Variants in PAPPA2 observed in about 807,000 individuals in gnomAD.
PAPPA2 encodes the protein pappalysin 2.
In PAPPA2, 86 loss-of-function variants were observed where a neutral mutation model predicts 176.4. The ratio of observed to expected loss-of-function variants is 0.49; its 90% CI spans 0.41 to 0.58. The LOEUF (loss-of-function observed/expected upper bound fraction) is 0.58. Ranked by LOEUF, PAPPA2 falls within the 20% of genes least tolerant of loss-of-function variation. The pLI is 0.00. For missense variants in PAPPA2, 2,073 were observed against 2,256.9 expected, an observed-to-expected ratio of 0.92 and a Z score of 1.65; for synonymous variants, 809 against 852.2, an observed-to-expected ratio of 0.95 and a Z score of 0.88.
At chr1:176,508,595 A>T (rs375988708) in intron 1 of PAPPA2, among the ~76,000 whole-genome samples, 52 of 152,224 alleles carry the variant, frequency 3.4e-4, no homozygotes, top group African/African-American at 1.2e-3. Context: ...GTAAAAAAAA[A>T]AATAATGAAT....
chr1:176,551,451 A>G (rs1297085692), intron 1 of PAPPA2, among the ~76,000 whole-genome samples: 1 of 152,168 alleles, frequency 6.6e-6, no homozygotes, highest in African/African-American at 2.4e-5. Context: ...TTGGAACCAG[A>G]AAGTCAAAGA....
At chr1:176,750,107 T>C (rs1364190151) in intron 14 of PAPPA2, among the ~76,000 whole-genome samples, 2 of 152,206 alleles carry the variant, frequency 1.3e-5, no homozygotes, top group Admixed American at 6.5e-5. Context: ...CATCCTCAGA[T>C]CTTTTTCCTC....
In PAPPA2 at chr1:176,589,276, A is replaced by G. The variant is rs181713805; in HGVS notation, c.920-5248A>G. On this transcript the variant is annotated intron_variant, in intron 2 of 22. Coordinates refer to ENST00000367662, the MANE Select transcript of PAPPA2 (RefSeq NM_020318.3). ...AGGATAATTGACTCTATCAATTCCA[A>G]GTGCTGGTAATTAATGATAGTAGAG... 3.5e-4 allele frequency among the ~76,000 whole-genome samples: 54 copies of G among 152,304 alleles called. 1 individual carries two copies. The highest frequency in any genetic ancestry group is 5.9e-4 in the Admixed American group (9 of 15,304).
chr1:176,514,999 A>C (rs1648824843), intron 1 of PAPPA2, among the ~76,000 whole-genome samples: 1 of 152,214 alleles, frequency 6.6e-6, no homozygotes, highest in East Asian at 1.9e-4. Flanking sequence ...TGGCCTCTGG[A>C]GTCCAAATAC....
chr1:176,582,473 G>A (rs1452063147), intron 2 of PAPPA2, among the ~76,000 whole-genome samples: 2 of 152,098 alleles, frequency 1.3e-5, no homozygotes, highest in Non-Finnish European at 2.9e-5. Flanking sequence ...TTGTGTTAAG[G>A]TACTTTCTTT....
At chr1:176,607,784 C>T (rs565360721) in intron 3 of PAPPA2, among the ~76,000 whole-genome samples, 5 of 152,264 alleles carry the variant, frequency 3.3e-5, no homozygotes, top group Admixed American at 2.0e-4. Context: ...TTTGGCTAAC[C>T]GGCTTTTATA....
At chr1:176,715,267 C>T (rs559219896) in intron 12 of PAPPA2, among the ~76,000 whole-genome samples, 6 of 152,300 alleles carry the variant, frequency 3.9e-5, no homozygotes, top group Admixed American at 2.6e-4. Flanking sequence ...AAGGTCGCAG[C>T]AAGGTAAATG....
chr1:176,754,407 G>T (rs1663323084), intron 14 of PAPPA2, among the ~76,000 whole-genome samples: 1 of 152,180 alleles, frequency 6.6e-6, no homozygotes, highest in Non-Finnish European at 1.5e-5. Context: ...CTTTAAAATA[G>T]TAAATAACTA....
At chr1:176,647,594 G>A (rs977869732) in intron 3 of PAPPA2, among the ~76,000 whole-genome samples, 2 of 151,520 alleles carry the variant, frequency 1.3e-5, no homozygotes, top group African/African-American at 2.4e-5. Context: ...TTTTGTATGT[G>A]GTAAGAGATA....
intron 3 of PAPPA2, among the ~76,000 whole-genome samples, chr1:176,629,325 A>G (rs1224691981): frequency 6.6e-6 from 1 of 152,244 alleles, no homozygotes; most frequent in East Asian, 1.9e-4. Context: ...TTAAATAATG[A>G]GATATCCAAG....
At position 176,843,984 on chromosome 1, in the gene PAPPA2, T is replaced by C. The variant is rs1278868458; in HGVS notation, c.*1530T>C. The stretch of plus-strand genomic sequence containing the variant: ...GTTGTTTTTACCCTTTCTTATCCAA[T>C]AGATGGAATGCACATGAAATGACCA... On this transcript the variant is annotated 3_prime_UTR_variant, in exon 23 of 23. Coordinates refer to ENST00000367662, the MANE Select transcript of PAPPA2 (RefSeq NM_020318.3). 1 of 152,130 alleles carries C rather than the reference T, an allele frequency of 6.6e-6. No homozygotes were observed. Among genetic ancestry groups the C allele is most frequent in the Non-Finnish European group, 1.5e-5 (1 of 68,020 alleles). The allele number at this position is 152,130 out of a possible 1,614,324, so 9.4% of individuals were successfully genotyped here.
chr1:176,695,966 ATG>A (rs67178111), intron 7 of PAPPA2, 107 bp downstream of exon 7: 130,996 of 852,548 alleles, frequency 0.15, 2,277 homozygotes, highest in East Asian at 0.23. Context: ...ATGTATGTGT[ATG>A]TGTGTGTGTG....
chr1:176,716,602 CTTTT>C (rs71299410), intron 12 of PAPPA2, among the ~76,000 whole-genome samples: 3 of 114,828 alleles, frequency 2.6e-5, no homozygotes, highest in Non-Finnish European at 1.7e-5. Context: ...TTCCTTCCTT[CTTTT>C]TTTTTTTTTT....
At position 176,655,402 on chromosome 1, in the gene PAPPA2, A is replaced by G. The variant is rs893625246; in HGVS notation, c.1992-15568A>G. Among the ~76,000 whole-genome samples the G allele has an allele frequency of 6.6e-5, 10 of 151,844 alleles. No individual in the cohort carries two copies. In the South Asian group the frequency reaches 1.4e-3, roughly 22 times the overall value. ...GACAGGGAACTAACATCCAGACTCT[A>G]TAAGAAATTCAAACAACTCAAAAAT... On this transcript the variant is annotated intron_variant, in intron 3 of 22. Transcript: ENST00000367662.
intron 2 of PAPPA2, among the ~76,000 whole-genome samples, chr1:176,557,529 T>G (rs144633003): frequency 3.9e-4 from 60 of 152,254 alleles, no homozygotes; most frequent in African/African-American, 1.3e-3. Context: ...CTTACCTGTC[T>G]TTAAAGGGAT....
intron 17 of PAPPA2, among the ~76,000 whole-genome samples, chr1:176,779,136 ACTG>A (rs1236847422): frequency 1.3e-5 from 2 of 152,190 alleles, no homozygotes; most frequent in Admixed American, 1.3e-4. Flanking sequence ...TTTTATATTG[ACTG>A]CTAATATCTA....
chr1:176,590,481 CTTG>C (rs921042047), intron 2 of PAPPA2, among the ~76,000 whole-genome samples: 9 of 152,084 alleles, frequency 5.9e-5, no homozygotes, highest in Non-Finnish European at 1.3e-4. Flanking sequence ...TTATATCTAA[CTTG>C]TTATTTCCTT....
At chr1:176,820,160 C>G (rs17378293) in intron 21 of PAPPA2, among the ~76,000 whole-genome samples, 1 of 152,070 alleles carries the variant, frequency 6.6e-6, no homozygotes, top group Non-Finnish European at 1.5e-5. Context: ...AAAAACAACA[C>G]GCACCTATTT....
intron 12 of PAPPA2, among the ~76,000 whole-genome samples, chr1:176,723,782 T>C (rs1661733919): frequency 6.6e-6 from 1 of 152,134 alleles, no homozygotes; most frequent in Non-Finnish European, 1.5e-5. Flanking sequence ...AGAGCAAAAG[T>C]GTAAGAATTT....
Sources: gnomAD v4.1 joint callset for allele counts (sites outside exome capture counted in the v4.1 genomes callset) on GRCh38, gnomAD v4.1.1 for gene constraint, MANE v1.5 for transcripts, NCBI Gene and HGNC (gene_info 2026-07-23, HGNC 2026-07-21) for gene names.